The following LARGE1 variants were observed in gnomAD, a reference collection of about 807,000 sequenced individuals.
LARGE1 encodes LARGE xylosyl- and glucuronyltransferase 1.
Under a neutral mutation model 87.6 loss-of-function variants are expected in LARGE1, and 43 were observed. The ratio of observed to expected loss-of-function variants is 0.49; its 90% CI spans 0.38 to 0.63. The LOEUF is 0.63. Ranked by LOEUF, LARGE1 falls within the 30% of genes least tolerant of loss-of-function variation. The pLI, the probability that LARGE1 is intolerant of heterozygous loss-of-function variation, is 0.00. For synonymous variants in LARGE1, 434 were observed against 394.6 expected (o/e 1.10, Z -1.18); for missense variants, 802 against 1,000.2 (o/e 0.80, Z 2.67).
At chr22:33,294,346 C>G (rs1461155045) in intron 12 of LARGE1, among the ~76,000 whole-genome samples, 1 of 152,208 alleles carries the variant, frequency 6.6e-6, no homozygotes, top group Admixed American at 6.5e-5. Flanking sequence ...CAGCCCTGTT[C>G]TGCAGCATCA....
At chr22:33,495,355 C>T (rs2070058630) in intron 6 of LARGE1, among the ~76,000 whole-genome samples, 1 of 152,208 alleles carries the variant, frequency 6.6e-6, no homozygotes, top group African/African-American at 2.4e-5. Flanking sequence ...CCTTGGTCGC[C>T]TTATGCAGTG....
intron 6 of LARGE1, among the ~76,000 whole-genome samples, chr22:33,450,437 A>G (rs1278567545): frequency 7.7e-6 from 1 of 129,696 alleles, no homozygotes; most frequent in Non-Finnish European, 1.6e-5. Context: ...CCCCATCTCT[A>G]CTAAAAATAC....
intron 11 of LARGE1, among the ~76,000 whole-genome samples, chr22:33,169,721 C>A (rs1462080170): frequency 6.6e-6 from 1 of 151,874 alleles, no homozygotes; most frequent in African/African-American, 2.4e-5. Context: ...TGTGGTGGCA[C>A]GTGCCTGTAG....
At chr22:33,087,363 T>C in the LARGE1 span, among the ~76,000 whole-genome samples, 1 of 152,144 alleles carries the variant, frequency 6.6e-6, no homozygotes, top group Non-Finnish European at 1.5e-5. Flanking sequence ...GTTGTTAATA[T>C]AAAACATTCA....
rs11914160 is a variant in LARGE1 at position 33,718,662 on chromosome 22, C to T, written c.106+42709G>A. Among the ~76,000 whole-genome samples, 1,498 of 152,348 alleles carry T rather than the reference C, an allele frequency of 9.8e-3. 26 individuals are homozygous for T. Among genetic ancestry groups the T allele is most frequent in the African/African-American group, 0.033 (1,386 of 41,574 alleles). On this transcript the variant is annotated intron_variant, in intron 2 of 14. Coordinates refer to ENST00000397394, the MANE Select transcript of LARGE1 (RefSeq NM_133642.5). ...CCCTATCCTAACTCCAATCAATGCA[C>T]GTTCATGCCCCTGAAGACCTCTCAG...
chr22:33,896,928 G>C (rs2065160979), intron 1 of LARGE1, among the ~76,000 whole-genome samples: 1 of 152,158 alleles, frequency 6.6e-6, no homozygotes, highest in African/African-American at 2.4e-5. Context: ...AGACCTGATG[G>C]TGGGGTATCA....
At chr22:33,594,173 T>C (rs1339291942) in intron 5 of LARGE1, among the ~76,000 whole-genome samples, 1 of 152,212 alleles carries the variant, frequency 6.6e-6, no homozygotes, top group African/African-American at 2.4e-5. Context: ...GATTTTACCT[T>C]AGTTGTCGAG....
chr22:33,476,159 T>G (rs910794596), intron 6 of LARGE1, among the ~76,000 whole-genome samples: 5 of 152,262 alleles, frequency 3.3e-5, no homozygotes, highest in African/African-American at 1.2e-4. Context: ...TGTAAATTGA[T>G]AGCTGATTAG....
At chr22:33,133,327 C>G in the LARGE1 span, among the ~76,000 whole-genome samples, 47,739 of 152,040 alleles carry the variant, frequency 0.31, 7,823 homozygotes, top group South Asian at 0.46. Context: ...TTATCCCTCC[C>G]CTAGTCCCCT....
At chr22:33,086,549 C>CT in the LARGE1 span, among the ~76,000 whole-genome samples, 2,067 of 108,450 alleles carry the variant, frequency 0.019, 70 homozygotes, top group African/African-American at 0.028. Flanking sequence ...AGTTCTTCTA[C>CT]TTTTTTTTTT....
At chr22:33,394,645 A>G (rs980532874) in intron 7 of LARGE1, among the ~76,000 whole-genome samples, 1 of 151,398 alleles carries the variant, frequency 6.6e-6, no homozygotes, top group South Asian at 2.1e-4. Context: ...GGTAAAATTA[A>G]TTTCACTCTT....
At chr22:33,643,717 T>C (rs1224461483) in intron 3 of LARGE1, among the ~76,000 whole-genome samples, 1 of 152,138 alleles carries the variant, frequency 6.6e-6, no homozygotes, top group African/African-American at 2.4e-5. Context: ...CAGTAAAAGA[T>C]GATAAAGGGG....
chr22:33,338,464 A>G (rs1601508518), intron 9 of LARGE1, among the ~76,000 whole-genome samples: 1 of 151,698 alleles, frequency 6.6e-6, no homozygotes, highest in Admixed American at 6.6e-5. Context: ...AATCATTCCT[A>G]CCTCCTCCTC....
At chr22:33,136,229 G>T in the LARGE1 span, among the ~76,000 whole-genome samples, 5 of 152,174 alleles carry the variant, frequency 3.3e-5, no homozygotes, top group Admixed American at 3.3e-4. Context: ...ACATACCCAA[G>T]ACTGGGTAAT....
intron 11 of LARGE1, among the ~76,000 whole-genome samples, chr22:33,183,601 AACACACACACACACACACGCACAC>A (rs1352408197): frequency 9.6e-6 from 1 of 104,204 alleles, no homozygotes; most frequent in Non-Finnish European, 2.1e-5. Flanking sequence ...TGATGGATAA[AACACACACACACACACACGCACAC>A]ACACACACAC....
chr22:33,198,452 C>A (rs1238438342), intron 11 of LARGE1, among the ~76,000 whole-genome samples: 2 of 151,996 alleles, frequency 1.3e-5, no homozygotes, highest in East Asian at 3.9e-4. Flanking sequence ...TTAGGGGGCA[C>A]AAGTACTGAT....
At chr22:33,890,057 C>G (rs144049719) in intron 1 of LARGE1, among the ~76,000 whole-genome samples, 1 of 152,352 alleles carries the variant, frequency 6.6e-6, no homozygotes, top group African/African-American at 2.4e-5. Flanking sequence ...CCCAGCTGGC[C>G]CACTGGCTCC....
Position 33,395,226 on chromosome 22 carries a change from C to CAAA in LARGE1, c.893-10925_893-10923dup, listed in dbSNP as rs3071528. ...CCTGGGTGACGCAGCGACTCTGCCT[C>CAAA]AAAAAAAAAAAAAAAAAAAAAGCCA... On this transcript the variant is annotated intron_variant, in intron 7 of 14. Coordinates refer to ENST00000397394, the MANE Select transcript of LARGE1 (RefSeq NM_133642.5). 7.4e-3 allele frequency among the ~76,000 whole-genome samples: 454 copies of CAAA among 61,520 alleles called. 25 individuals are homozygous for CAAA. The highest frequency in any genetic ancestry group is 0.025 in the African/African-American group (403 of 16,320). The allele number at this position is 61,520 out of a possible 152,430, so 40.4% of individuals were successfully genotyped here. A position where few individuals can be genotyped will look rare whatever the true frequency, so the allele number is the denominator to read the frequency against.
intron 3 of LARGE1, among the ~76,000 whole-genome samples, chr22:33,635,101 G>A (rs2080231994): frequency 6.6e-6 from 1 of 150,430 alleles, no homozygotes; most frequent in African/African-American, 2.5e-5. Context: ...CTGGGTGACA[G>A]AGCAAGACTC....
Sources: allele counts gnomAD v4.1 joint callset (sites outside exome capture counted in the v4.1 genomes callset), GRCh38; gene constraint gnomAD v4.1.1; transcripts MANE v1.5; gene names NCBI Gene and HGNC (gene_info 2026-07-23, HGNC 2026-07-21).